Variants in LPA observed in about 807,000 individuals in gnomAD.
The protein encoded by LPA is apolipoprotein(a).
In LPA, 199 loss-of-function variants were observed where a neutral mutation model predicts 197.9. The observed-to-expected ratio is 1.01, with a 90% CI of 0.90 to 1.13. The LOEUF is 1.13. Among genes scored for constraint, LPA ranks in the 50% most tolerant of loss-of-function variants. The pLI is 0.00. For synonymous variants in LPA, 715 were observed against 639.5 expected (o/e 1.12, Z -1.78); for missense variants, 1,853 against 1,785.8 (o/e 1.04, Z -0.68).
intron 37 of LPA, among the ~76,000 whole-genome samples, chr6:160,535,013 AT>A (rs1157754986): frequency 6.8e-6 from 1 of 146,574 alleles, no homozygotes; most frequent in African/African-American, 2.5e-5. Context: ...GGTGATGGTA[AT>A]GATAATGGTG....
At chr6:160,569,726 C>G (rs1337776990) in intron 28 of LPA, among the ~76,000 whole-genome samples, 1 of 152,166 alleles carries the variant, frequency 6.6e-6, no homozygotes, top group Non-Finnish European at 1.5e-5. Context: ...TTTTTACAAT[C>G]TACCCATCTG....
intron 1 of LPA, among the ~76,000 whole-genome samples, chr6:160,659,523 A>C (rs1780187450): frequency 1.3e-5 from 2 of 152,238 alleles, no homozygotes; most frequent in South Asian, 4.1e-4. Context: ...GAAAGCTCAC[A>C]AGAAAGAGAA....
chr6:160,564,075 A>G (rs113461388), intron 28 of LPA, among the ~76,000 whole-genome samples: 15,078 of 152,170 alleles, frequency 0.099, 945 homozygotes, highest in Non-Finnish European at 0.15. Flanking sequence ...TTTAAGGTTA[A>G]TATTGTTATG....
At chr6:160,585,411 C>A (rs1204920893) in intron 25 of LPA, among the ~76,000 whole-genome samples, 1 of 151,988 alleles carries the variant, frequency 6.6e-6, no homozygotes, top group Non-Finnish European at 1.5e-5. Flanking sequence ...TTTAATTCAA[C>A]CCTGGAAAAC....
chr6:160,602,704 A>C (rs976449438), intron 18 of LPA, among the ~76,000 whole-genome samples: 2 of 152,132 alleles, frequency 1.3e-5, no homozygotes, highest in African/African-American at 4.8e-5. Flanking sequence ...TGGTTTATTT[A>C]TTTGGGGCAG....
At chr6:160,555,172 C>A (rs1033967477) in intron 30 of LPA, among the ~76,000 whole-genome samples, 2 of 150,674 alleles carry the variant, frequency 1.3e-5, no homozygotes, top group South Asian at 2.1e-4. Context: ...CCTCTCCTGG[C>A]AACCCATATC....
chr6:160,547,967 GA>G (rs753724125), intron 31 of LPA, 30 bp from the exon 32 acceptor site: 6 of 1,612,422 alleles, frequency 3.7e-6, no homozygotes, highest in Non-Finnish European at 5.1e-6. Context: ...TAAAACAGAT[GA>G]TTACAGACAG....
Position 160,548,641 on chromosome 6 carries a change from G to A in LPA, c.4992C>T (p.Tyr1664=). ...CTGTATCGGCATCTGGATTCCTGCA[G>A]TAGTTCATTGTCAGGCCACTGGAAA... is the stretch of plus-strand genomic sequence containing the variant. ...NYPNDGLTMN[Y]CRNPDADTGP... Residue 1664 remains tyrosine (Y), a synonymous_variant, in exon 31 of 39, where the codon TAC becomes TAT. Transcript: ENST00000316300. 6.2e-7 allele frequency: 1 copy of A among 1,614,090 alleles called. No individual in the cohort carries two copies. The highest frequency in any genetic ancestry group is 1.1e-5 in the South Asian group (1 of 91,084).
intron 16 of LPA, among the ~76,000 whole-genome samples, chr6:160,611,206 A>T (rs942192710): frequency 3.9e-5 from 6 of 152,166 alleles, no homozygotes; most frequent in Non-Finnish European, 8.8e-5. Flanking sequence ...TCTTCCCTTC[A>T]GGAATTGGAA....
At chr6:160,660,294 T>C (rs962195904) in intron 1 of LPA, among the ~76,000 whole-genome samples, 2 of 152,142 alleles carry the variant, frequency 1.3e-5, no homozygotes, top group African/African-American at 2.4e-5. Flanking sequence ...CTGCTGGGCA[T>C]CTTAAGGGGC....
chr6:160,591,102 C>T lies in LPA; in HGVS notation c.3630-1G>A. On this transcript the variant is annotated splice_acceptor_variant, in intron 22 of 38. Coordinates refer to ENST00000316300, the MANE Select transcript of LPA (RefSeq NM_005577.4). LOFTEE classifies it high-confidence loss of function. The stretch of plus-strand genomic sequence containing the variant: ...CCTGCAGTAGTTCCTGGTCAGGCCA[C>T]TGCAAATTACAAAACAATACAGTTC... 6.2e-7 allele frequency: 1 copy of T among 1,613,410 alleles called. No individual in the cohort carries two copies. Among genetic ancestry groups the T allele is most frequent in the Non-Finnish European group, 8.5e-7 (1 of 1,179,868 alleles).
intron 30 of LPA, among the ~76,000 whole-genome samples, chr6:160,551,902 T>C (rs554720399): frequency 1.3e-5 from 2 of 150,168 alleles, no homozygotes; most frequent in East Asian, 1.9e-4. Context: ...TTTTGGCCAA[T>C]AACACATATC....
At position 160,606,526 on chromosome 6, in the gene LPA, C is replaced by A. The variant is rs1344439639; in HGVS notation, c.2736G>T (p.Ala912=). Residue 912 remains alanine (A), a synonymous_variant, in exon 17 of 39, where the codon GCG becomes GCT. Transcript: ENST00000316300. The part of the protein sequence containing the change: ...QCSDAEGTAV[A]PPTITPIPSL... ...TTGGAATCGGGGTAATAGTTGGAGG[C>A]GCGACGGCAGTCCCTTCTGCGTCTG... 2 of 1,613,410 alleles carry A rather than the reference C, an allele frequency of 1.2e-6. No homozygotes were observed. Among genetic ancestry groups the A allele is most frequent in the African/African-American group, 1.3e-5 (1 of 74,884 alleles).
intron 16 of LPA, among the ~76,000 whole-genome samples, chr6:160,610,493 A>G (rs1161208376): frequency 6.6e-6 from 1 of 152,254 alleles, no homozygotes; most frequent in Non-Finnish European, 1.5e-5. Flanking sequence ...TGTGATCTCT[A>G]TCTTCTTAAT....
Position 160,576,396 on chromosome 6 carries a change from A to ATATATACATATATATATATATATGTG in LPA, c.4631+739_4631+740insCACATATATATATATATATGTATATA, listed in dbSNP as rs1562328007. On this transcript the variant is annotated intron_variant, in intron 28 of 38. Coordinates refer to ENST00000316300, the MANE Select transcript of LPA (RefSeq NM_005577.4). ...TATATATATATATATATATGTATAT[A>ATATATACATATATATATATATATGTG]TATATATATATATATATATGGGTAT... Among the ~76,000 whole-genome samples the ATATATACATATATATATATATATGTG allele has an allele frequency of 2.1e-4, 10 of 46,938 alleles. No homozygotes were observed. The South Asian group carries it at 3.1e-3, about 15-fold the overall frequency. The allele number at this position is 46,938 out of a possible 152,430, so 30.8% of individuals were successfully genotyped here. A position where few individuals can be genotyped will look rare whatever the true frequency, so the allele number is the denominator to read the frequency against.
At chr6:160,556,868 G>T (rs1030164204) in intron 29 of LPA, among the ~76,000 whole-genome samples, 11 of 152,074 alleles carry the variant, frequency 7.2e-5, no homozygotes, top group Non-Finnish European at 1.5e-4. Flanking sequence ...CCAAGCATAG[G>T]TGTGCAGAGC....
intron 16 of LPA, among the ~76,000 whole-genome samples, chr6:160,608,355 GA>G (rs1234277466): frequency 6.6e-6 from 1 of 152,102 alleles, no homozygotes; most frequent in Middle Eastern, 3.2e-3. Context: ...TTTATTGCTG[GA>G]TTTAGCATTC....
intron 16 of LPA, 28 bp downstream of exon 16, chr6:160,611,534 T>G: frequency 1.2e-6 from 2 of 1,607,148 alleles, no homozygotes; most frequent in East Asian, 2.2e-5. Flanking sequence ...GGCCCTTTAT[T>G]CTCTTATGGT....
intron 31 of LPA, 109 bp from the exon 32 acceptor site, chr6:160,548,046 C>A: frequency 8.7e-7 from 1 of 1,151,976 alleles, no homozygotes. Flanking sequence ...TCTAGGACGA[C>A]AGAATCAGGG....
Sources: allele counts gnomAD v4.1 joint callset (sites outside exome capture counted in the v4.1 genomes callset), GRCh38; gene constraint gnomAD v4.1.1; transcripts MANE v1.5; gene names NCBI Gene and HGNC (gene_info 2026-07-23, HGNC 2026-07-21).